Variants in KDM4B observed in about 807,000 individuals in gnomAD.
KDM4B encodes the protein lysine-specific demethylase 4B.
Under a neutral mutation model 125.2 loss-of-function variants are expected in KDM4B, and 32 were observed. The ratio of observed to expected loss-of-function variants is 0.26; its 90% CI spans 0.19 to 0.34. The LOEUF is 0.34. KDM4B is among the 10% of genes least tolerant of loss of function. The pLI is 1.00. For missense variants in KDM4B, 1,190 were observed against 1,577.7 expected (o/e 0.75, Z 4.16); for synonymous variants, 721 against 677.9 (o/e 1.06, Z -0.99).
At chr19:5,124,105 G>A (rs975401114) in intron 11 of KDM4B, among the ~76,000 whole-genome samples, 2 of 152,124 alleles carry the variant, frequency 1.3e-5, no homozygotes, top group African/African-American at 4.8e-5. Context: ...TGGGGGCTGT[G>A]TGTGGTCTCA....
At chr19:5,079,784 C>G (rs2038230789) in intron 8 of KDM4B, among the ~76,000 whole-genome samples, 1 of 152,248 alleles carries the variant, frequency 6.6e-6, no homozygotes, top group African/African-American at 2.4e-5. Flanking sequence ...CCAGGCTGGT[C>G]TCAAGCTCCT....
intron 9 of KDM4B, among the ~76,000 whole-genome samples, chr19:5,094,848 C>T (rs2038786961): frequency 6.6e-6 from 1 of 152,222 alleles, no homozygotes; most frequent in South Asian, 2.1e-4. Flanking sequence ...AGCCGCGGGT[C>T]AAGCCCTTTG....
At chr19:5,074,913 C>T (rs1452534487) in intron 7 of KDM4B, 1 of 152,442 alleles carries the variant, frequency 6.6e-6, no homozygotes, top group Admixed American at 6.5e-5. Context: ...TCAGTCCTGG[C>T]AGGAGGTGGA....
rs558674321 is a variant in KDM4B, at chr19:5,105,572, G to A, written c.919-5050G>A. On this transcript the variant is annotated intron_variant, in intron 9 of 22. Coordinates refer to ENST00000159111, the MANE Select transcript of KDM4B (RefSeq NM_015015.3). The stretch of plus-strand genomic sequence containing the variant: ...CTCAGCCTCCCAAGTAGCTAAGACA[G>A]TAGGCGTGCACCACCACACTCACCT... Among the ~76,000 whole-genome samples, 65 of 152,268 alleles carry A rather than the reference G, an allele frequency of 4.3e-4. 1 individual carries two copies. The highest frequency in any genetic ancestry group is 8.5e-4 in the Non-Finnish European group (58 of 68,008).
At chr19:5,032,267 T>C (rs2036482594) in intron 2 of KDM4B, among the ~76,000 whole-genome samples, 1 of 152,190 alleles carries the variant, frequency 6.6e-6, no homozygotes, top group African/African-American at 2.4e-5. Context: ...ATGACCCGCG[T>C]GACTCTGGGC....
At chr19:5,075,731 G>A (rs1300658974) in intron 7 of KDM4B, 1 of 152,374 alleles carries the variant, frequency 6.6e-6, no homozygotes, top group East Asian at 1.9e-4. Flanking sequence ...CATGTACGCA[G>A]CCCACCATGC....
rs139884913 is a variant in KDM4B at position 5,097,766 on chromosome 19, G to A, written c.919-12856G>A. On this transcript the variant is annotated intron_variant, in intron 9 of 22. Coordinates refer to ENST00000159111, the MANE Select transcript of KDM4B (RefSeq NM_015015.3). ...TTGTTCTTCTGGAGCTGGGTACTGG[G>A]TGCAGTGTTGGCTGTTCCAGAAAGT... 5.3e-3 allele frequency among the ~76,000 whole-genome samples: 812 copies of A among 152,354 alleles called. 5 individuals carry two copies. The highest frequency in any genetic ancestry group is 0.018 in the African/African-American group (761 of 41,580).
At chr19:4,970,896 G>A (rs2034234492) in intron 1 of KDM4B, among the ~76,000 whole-genome samples, 1 of 152,138 alleles carries the variant, frequency 6.6e-6, no homozygotes, top group African/African-American at 2.4e-5. Context: ...ACACCTGGCA[G>A]GTCCGGGCGC....
chr19:4,987,942 C>T (rs554090026), intron 1 of KDM4B, among the ~76,000 whole-genome samples: 1 of 152,290 alleles, frequency 6.6e-6, no homozygotes, highest in Non-Finnish European at 1.5e-5. Context: ...ACTGCTACTC[C>T]CAGGGTGCAG....
chr19:5,092,643 G>T (rs1159193145), intron 9 of KDM4B, among the ~76,000 whole-genome samples: 1 of 152,190 alleles, frequency 6.6e-6, no homozygotes, highest in Non-Finnish European at 1.5e-5. Flanking sequence ...GCTGGTTGCT[G>T]CCTGGCATCA....
At chr19:5,042,773 A>G (rs1167838125) in intron 5 of KDM4B, among the ~76,000 whole-genome samples, 1 of 151,648 alleles carries the variant, frequency 6.6e-6, no homozygotes, top group Non-Finnish European at 1.5e-5. Context: ...TGAACCATTC[A>G]GGAGACATGA....
intron 1 of KDM4B, among the ~76,000 whole-genome samples, chr19:4,980,421 CTTTT>C (rs572345837): frequency 4.6e-5 from 5 of 109,710 alleles, no homozygotes; most frequent in Non-Finnish European, 3.6e-5. Context: ...CCTTTTCTTT[CTTTT>C]TTTTTTTTTT....
At chr19:5,071,384 A>C (rs2037942919) in intron 7 of KDM4B, among the ~76,000 whole-genome samples, 1 of 152,184 alleles carries the variant, frequency 6.6e-6, no homozygotes, top group Non-Finnish European at 1.5e-5. Flanking sequence ...GCCTGTGTTC[A>C]TTTTCCTCCC....
chr19:4,969,929 C>T (rs1388563943), intron 1 of KDM4B, among the ~76,000 whole-genome samples: 1 of 152,166 alleles, frequency 6.6e-6, no homozygotes, highest in East Asian at 1.9e-4. Context: ...ACGGCAGCCT[C>T]CACGAGTCTC....
rs1389770116 is a variant in KDM4B at position 5,153,583 on chromosome 19, C to T, written c.*2072C>T. 2 of 152,276 alleles carry T rather than the reference C, an allele frequency of 1.3e-5. No individual in the cohort carries two copies. Among genetic ancestry groups the T allele is most frequent in the Admixed American group, 1.3e-4 (2 of 15,292 alleles). The allele number at this position is 152,276 out of a possible 1,614,324, so 9.4% of individuals were successfully genotyped here. A position where few individuals can be genotyped will look rare whatever the true frequency, so the allele number is the denominator to read the frequency against. ...CTAGGTTCATAATGAATTAAAGGTT[C>T]ATGAACGCTGCGAAACCCCGTTCCA... On this transcript the variant is annotated 3_prime_UTR_variant, in exon 23 of 23. Coordinates refer to ENST00000159111, the MANE Select transcript of KDM4B (RefSeq NM_015015.3).
At chr19:5,089,015 A>C (rs918548085) in intron 9 of KDM4B, among the ~76,000 whole-genome samples, 4 of 151,972 alleles carry the variant, frequency 2.6e-5, no homozygotes, top group Admixed American at 2.0e-4. Flanking sequence ...GCCAGTGCTC[A>C]GAGGCAGGAA....
At chr19:5,107,988 G>A (rs944178294) in intron 9 of KDM4B, among the ~76,000 whole-genome samples, 3 of 152,208 alleles carry the variant, frequency 2.0e-5, no homozygotes, top group South Asian at 2.1e-4. Context: ...CAGTCCAGCC[G>A]TGGGCAGCCT....
intron 9 of KDM4B, among the ~76,000 whole-genome samples, chr19:5,086,179 G>T (rs554420252): frequency 6.6e-6 from 1 of 152,010 alleles, no homozygotes; most frequent in Non-Finnish European, 1.5e-5. Context: ...TTCCTTGACC[G>T]CTAGGGACCC....
chr19:5,116,331 G>A (rs1281438962), intron 10 of KDM4B, among the ~76,000 whole-genome samples: 2 of 151,042 alleles, frequency 1.3e-5, no homozygotes, highest in African/African-American at 4.9e-5. Flanking sequence ...AAAAGACAAA[G>A]GAAAAAGGCC....
Sources: allele counts gnomAD v4.1 joint callset (sites outside exome capture counted in the v4.1 genomes callset), GRCh38; gene constraint gnomAD v4.1.1; transcripts MANE v1.5; gene names NCBI Gene and HGNC (gene_info 2026-07-23, HGNC 2026-07-21).